The following INTU variants were observed in gnomAD, a reference collection of about 807,000 sequenced individuals.
INTU encodes the protein inturned planar cell polarity protein.
Under a neutral mutation model 100.5 loss-of-function variants are expected in INTU, and 68 were observed. The ratio of observed to expected loss-of-function variants is 0.68; its 90% CI spans 0.56 to 0.83. INTU has a LOEUF of 0.83. Among genes scored for constraint, INTU ranks in the 40% least tolerant of loss-of-function variants. INTU has a pLI of 0.00. For missense variants in INTU, 1,071 were observed against 1,114.7 expected (o/e 0.96, Z 0.56); for synonymous variants, 357 against 395.7 (o/e 0.90, Z 1.16).
Position 127,724,855 on chromosome 4 carries a change from CT to C in INTU, c.*8420del, listed in dbSNP as rs918417200. The C allele has an allele frequency of 2.6e-5, 4 of 152,184 alleles. No homozygotes were observed. Among genetic ancestry groups the C allele is most frequent in the African/African-American group, 9.7e-5 (4 of 41,442 alleles). 9.4% of individuals were successfully genotyped at this position (152,184 alleles called of 1,614,324 possible). On this transcript the variant is annotated 3_prime_UTR_variant, in exon 16 of 16. Transcript: ENST00000335251. ...GGTCTTAAAAGAAACACTATTATCA[CT>C]GTGTCACAGTTTGAGAGATTTTCAC...
chr4:127,707,168 G>A (rs1023569943), intron 12 of INTU, among the ~76,000 whole-genome samples, 199 bp downstream of exon 12: 1 of 151,848 alleles, frequency 6.6e-6, no homozygotes, highest in Non-Finnish European at 1.5e-5. Context: ...ATTGCTAGAG[G>A]CCAGGAGTTC....
In INTU at chr4:127,656,623, A is replaced by G. The variant is rs376956929; in HGVS notation, c.683-13A>G. On this transcript the variant is annotated splice_polypyrimidine_tract_variant and intron_variant, in intron 2 of 15. Coordinates refer to ENST00000335251, the MANE Select transcript of INTU (RefSeq NM_015693.4). ...ATTCATAAAACTATCTTTTATTGTT[A>G]TTCTGGTTTCAGGTGATGTCCTTGT... is the stretch of plus-strand genomic sequence containing the variant. 6 of 1,585,436 alleles carry G rather than the reference A, an allele frequency of 3.8e-6. No individual in the cohort carries two copies. The highest frequency in any genetic ancestry group is 5.2e-6 in the Non-Finnish European group (6 of 1,154,816).
intron 15 of INTU, among the ~76,000 whole-genome samples, chr4:127,715,131 AATG>A (rs1271142310): frequency 6.6e-6 from 1 of 152,178 alleles, no homozygotes; most frequent in Non-Finnish European, 1.5e-5. Context: ...GGCAAAATCT[AATG>A]AACAAAGATG....
intron 8 of INTU, among the ~76,000 whole-genome samples, 179 bp downstream of exon 8, chr4:127,688,046 A>G (rs996969822): frequency 1.3e-5 from 2 of 152,224 alleles, no homozygotes; most frequent in African/African-American, 2.4e-5. Flanking sequence ...ATTATCCTTT[A>G]TAAGTAGAAA....
rs1273001979 is a variant in INTU at position 127,716,531 on chromosome 4, T to G, written c.*95T>G. The G allele has an allele frequency of 1.2e-5, 6 of 491,878 alleles. No individual in the cohort carries two copies. The East Asian group carries it at 1.9e-4, about 15-fold the overall frequency. The allele number at this position is 491,878 out of a possible 1,614,324, so 30.5% of individuals were successfully genotyped here. On this transcript the variant is annotated 3_prime_UTR_variant, in exon 16 of 16. Coordinates refer to ENST00000335251, the MANE Select transcript of INTU (RefSeq NM_015693.4). ...ACACAAAGAGATAAAGTTTAGCTTCTTTTTACTATTCAATATTGAACATAA... is the reference window on the plus strand; with the variant it reads ...ACACAAAGAGATAAAGTTTAGCTTCGTTTTACTATTCAATATTGAACATAA...
chr4:127,670,184 C>T (rs1728859547), intron 5 of INTU, among the ~76,000 whole-genome samples: 1 of 151,492 alleles, frequency 6.6e-6, no homozygotes, highest in South Asian at 2.1e-4. Flanking sequence ...GAATTATAAA[C>T]AATTTTTCTT....
intron 1 of INTU, among the ~76,000 whole-genome samples, chr4:127,637,441 TATTCTC>T (rs1196149922): frequency 6.6e-6 from 1 of 152,230 alleles, no homozygotes; most frequent in Non-Finnish European, 1.5e-5. Context: ...ATTATCCACT[TATTCTC>T]AAATTGACCA....
In INTU at chr4:127,643,798, C is replaced by G; in HGVS notation, c.424C>G (p.Leu142Val). ...CAATGACAATGGACCAGTATCCATT[C>G]TAAAGCATCAGTCCAATCAGAAGAC... ...NSNDNGPVSILKHQSNQKTGV... is the reference protein window; with the variant it reads ...NSNDNGPVSIVKHQSNQKTGV... The change falls in exon 2 of 16, where the codon CTA becomes GTA. Residue 142 changes from leucine (L) to valine (V), a missense_variant. Physicochemically the swap from Leu to Val is conservative, Grantham distance 32 (BLOSUM62 1). Coordinates refer to ENST00000335251, the MANE Select transcript of INTU (RefSeq NM_015693.4). The G allele has an allele frequency of 6.2e-7, 1 of 1,614,034 alleles. No homozygotes were observed. Among genetic ancestry groups the G allele is most frequent in the Non-Finnish European group, 8.5e-7 (1 of 1,179,990 alleles).
intron 8 of INTU, among the ~76,000 whole-genome samples, chr4:127,690,114 T>C (rs540294560): frequency 1.3e-5 from 2 of 152,354 alleles, no homozygotes; most frequent in East Asian, 3.9e-4. Context: ...CATTAAATAT[T>C]ATCTTCCCTC....
chr4:127,674,765 C>T (rs1318130584), intron 6 of INTU, among the ~76,000 whole-genome samples: 1 of 152,128 alleles, frequency 6.6e-6, no homozygotes, highest in Non-Finnish European at 1.5e-5. Flanking sequence ...TTATAATAAA[C>T]TGACCTTGTG....
At chr4:127,712,718 A>G (rs941246033) in intron 14 of INTU, among the ~76,000 whole-genome samples, 1 of 152,208 alleles carries the variant, frequency 6.6e-6, no homozygotes, top group Admixed American at 6.5e-5. Context: ...AGAGACCTGA[A>G]TGAAGTGAGG....
intron 15 of INTU, among the ~76,000 whole-genome samples, chr4:127,715,958 A>C (rs1202655089): frequency 6.6e-6 from 1 of 152,166 alleles, no homozygotes; most frequent in African/African-American, 2.4e-5. Flanking sequence ...TTAATGTTTT[A>C]ATAAAAATTA....
intron 9 of INTU, among the ~76,000 whole-genome samples, 187 bp downstream of exon 9, chr4:127,700,250 A>G (rs1730591132): frequency 6.6e-6 from 1 of 152,204 alleles, no homozygotes; most frequent in African/African-American, 2.4e-5. Flanking sequence ...CAGTTGTTAC[A>G]TAATGTATAT....
intron 8 of INTU, among the ~76,000 whole-genome samples, chr4:127,695,725 A>C (rs1712402012): frequency 6.6e-6 from 1 of 152,146 alleles, no homozygotes; most frequent in African/African-American, 2.4e-5. Flanking sequence ...TAGGCCTCCC[A>C]CTGTGATGTT....
Position 127,705,709 on chromosome 4 carries a change from G to A in INTU, c.1685G>A (p.Trp562Ter), listed in dbSNP as rs761259820. 1 of 1,614,040 alleles carries A rather than the reference G, an allele frequency of 6.2e-7. No homozygotes were observed. The highest frequency in any genetic ancestry group is 8.5e-7 in the Non-Finnish European group (1 of 1,179,936). The change falls in exon 11 of 16, where the codon TGG (tryptophan) becomes TAG (stop). Residue 562 changes from tryptophan (W) to a stop codon, truncating the protein, a stop_gained. Transcript: ENST00000335251. LOFTEE classifies it high-confidence loss of function. ...CAAAGAATTGGTCAGTTGATCATAT[G>A]GAGAGAAGTGTTTCCTCAGCATCAC... ...AKQRIGQLII[W>*]REVFPQHHLR... is the part of the protein sequence containing the mutation.
chr4:127,670,881 A>G (rs1376324295), intron 5 of INTU, among the ~76,000 whole-genome samples: 1 of 152,100 alleles, frequency 6.6e-6, no homozygotes, highest in Admixed American at 6.6e-5. Context: ...CCTATTCAAT[A>G]AATGGTGCTG....
chr4:127,654,439 A>G (rs1343398281), intron 2 of INTU, among the ~76,000 whole-genome samples: 1 of 152,080 alleles, frequency 6.6e-6, no homozygotes, highest in African/African-American at 2.4e-5. Flanking sequence ...ATCTCTCAGC[A>G]TTTGCTTATC....
At chr4:127,650,589 A>G (rs1230867451) in intron 2 of INTU, among the ~76,000 whole-genome samples, 2 of 151,934 alleles carry the variant, frequency 1.3e-5, no homozygotes, top group Non-Finnish European at 2.9e-5. Flanking sequence ...CATGGTGTAT[A>G]TGTGCCACAT....
chr4:127,676,600 AG>A (rs753101891), intron 6 of INTU, among the ~76,000 whole-genome samples: 14,542 of 113,130 alleles, frequency 0.13, 1,347 homozygotes, highest in East Asian at 0.29. Flanking sequence ...AAAAAAAAAA[AG>A]AGAGAGAGAG....
Sources: gnomAD v4.1 joint callset for allele counts (sites outside exome capture counted in the v4.1 genomes callset) on GRCh38, gnomAD v4.1.1 for gene constraint, MANE v1.5 for transcripts, NCBI Gene and HGNC (gene_info 2026-07-23, HGNC 2026-07-21) for gene names.